The following COL4A1 variants were observed in gnomAD, a reference collection of about 807,000 sequenced individuals.
The protein encoded by COL4A1 is collagen type IV alpha 1 chain, also known as collagen alpha-1(IV) chain.
Under a neutral mutation model 216.6 loss-of-function variants are expected in COL4A1, and 40 were observed. The ratio of observed to expected loss-of-function variants is 0.18; its 90% CI spans 0.14 to 0.24. The LOEUF is 0.24. Ranked by LOEUF, COL4A1 falls within the 10% of genes least tolerant of loss-of-function variation. The pLI is 1.00. For synonymous variants in COL4A1, 839 were observed against 810.7 expected, an observed-to-expected ratio of 1.03 and a Z score of -0.59; for missense variants, 1,628 against 2,196.8, an observed-to-expected ratio of 0.74 and a Z score of 5.18.
chr13:110,281,811 T>G (rs1328102290), intron 1 of COL4A1, among the ~76,000 whole-genome samples: 1 of 152,244 alleles, frequency 6.6e-6, no homozygotes, highest in South Asian at 2.1e-4. Flanking sequence ...TTAGTAAACT[T>G]ACTCAACCCA....
At chr13:110,228,338 A>T (rs1880846799) in intron 2 of COL4A1, among the ~76,000 whole-genome samples, 1 of 152,040 alleles carries the variant, frequency 6.6e-6, no homozygotes, top group African/African-American at 2.4e-5. Flanking sequence ...TTAAAAATCC[A>T]ATTTTGAAGG....
intron 1 of COL4A1, among the ~76,000 whole-genome samples, chr13:110,290,275 G>A (rs919977857): frequency 3.3e-5 from 5 of 152,190 alleles, no homozygotes; most frequent in Admixed American, 2.6e-4. Context: ...GCTAACAAGC[G>A]CTCGGCAGGC....
intron 17 of COL4A1, 80 bp downstream of exon 17, chr13:110,205,273 T>C: frequency 6.4e-7 from 1 of 1,562,038 alleles, no homozygotes; most frequent in Non-Finnish European, 8.8e-7. Flanking sequence ...ACAGAGTCCT[T>C]TATTCTAGGA....
chr13:110,173,946 T>A lies in COL4A1; in HGVS notation c.3459A>T (p.Pro1153=). ...PTGPAGQKGE[P]GSDGIPGSAG... ...CTGACCCCGGGATTCCATCACTGCC[T>A]GGCTCCCCTTTCTGGCCAGCTGGGC... Residue 1153 remains proline, a synonymous_variant, in exon 40 of 52, where the codon CCA becomes CCT. Transcript: ENST00000375820. The A allele has an allele frequency of 6.2e-7, 1 of 1,614,220 alleles. No individual in the cohort carries two copies. Among genetic ancestry groups the A allele is most frequent in the South Asian group, 1.1e-5 (1 of 91,088 alleles).
intron 49 of COL4A1, among the ~76,000 whole-genome samples, chr13:110,159,505 A>G (rs1876967676): frequency 1.3e-5 from 2 of 152,170 alleles, no homozygotes; most frequent in Admixed American, 1.3e-4. Context: ...CTGTGGCAGG[A>G]ATGTAAAGGG....
At chr13:110,247,438 G>T (rs61963307) in intron 1 of COL4A1, among the ~76,000 whole-genome samples, 19,073 of 152,124 alleles carry the variant, frequency 0.13, 1,443 homozygotes, top group Non-Finnish European at 0.18. Flanking sequence ...AACTTTTCAG[G>T]ATATGTTAAA....
At chr13:110,172,900 C>T (rs2139158506) in intron 40 of COL4A1, 130 bp from the exon 41 acceptor site, 2 of 771,694 alleles carry the variant, frequency 2.6e-6, no homozygotes, top group Non-Finnish European at 4.7e-6. Context: ...TAGTTAATTG[C>T]ACCCTTGTAA....
chr13:110,263,363 A>C (rs986158144), intron 1 of COL4A1, among the ~76,000 whole-genome samples: 4 of 152,268 alleles, frequency 2.6e-5, no homozygotes, highest in Non-Finnish European at 5.9e-5. Context: ...AGCACAAAAC[A>C]GATTACTAAG....
At chr13:110,168,313 C>T (rs1260672260) in intron 43 of COL4A1, among the ~76,000 whole-genome samples, 1 of 152,152 alleles carries the variant, frequency 6.6e-6, no homozygotes, top group East Asian at 1.9e-4. Flanking sequence ...CCAGGCCCAG[C>T]CGGGAATGGG....
chr13:110,247,702 C>G (rs7338566), intron 1 of COL4A1, among the ~76,000 whole-genome samples: 49,901 of 151,338 alleles, frequency 0.33, 8,695 homozygotes, highest in Non-Finnish European at 0.39. Flanking sequence ...AATTCCATTC[C>G]AGAGGATGCA....
At chr13:110,256,373 G>A (rs1024630344) in intron 1 of COL4A1, among the ~76,000 whole-genome samples, 7 of 152,290 alleles carry the variant, frequency 4.6e-5, no homozygotes, top group Admixed American at 1.3e-4. Flanking sequence ...GATGATACTC[G>A]GGAGGAAGAG....
intron 14 of COL4A1, 28 bp from the exon 15 acceptor site, chr13:110,206,743 T>G (rs1879536062): frequency 1.9e-6 from 3 of 1,613,394 alleles, no homozygotes; most frequent in Non-Finnish European, 2.5e-6. Context: ...ACAAAGAGAT[T>G]TATTCGTCTA....
At chr13:110,169,496 T>G (rs965695240) in intron 43 of COL4A1, 133 bp downstream of exon 43, 95 of 1,109,546 alleles carry the variant, frequency 8.6e-5, no homozygotes, top group Non-Finnish European at 1.0e-4. Context: ...TGTGGGAGTG[T>G]AACACACACA....
At chr13:110,287,294 C>G (rs1257530168) in intron 1 of COL4A1, among the ~76,000 whole-genome samples, 1 of 152,208 alleles carries the variant, frequency 6.6e-6, no homozygotes, top group African/African-American at 2.4e-5. Context: ...AGCCAGACAG[C>G]CTGCCGTCCC....
intron 1 of COL4A1, among the ~76,000 whole-genome samples, chr13:110,259,271 C>A (rs934436414): frequency 1.3e-5 from 2 of 152,140 alleles, no homozygotes; most frequent in Non-Finnish European, 2.9e-5. Flanking sequence ...AGCTCATTGA[C>A]CCTAATTAGG....
chr13:110,294,204 G>A (rs983223071), intron 1 of COL4A1, among the ~76,000 whole-genome samples: 1 of 152,198 alleles, frequency 6.6e-6, no homozygotes, highest in African/African-American at 2.4e-5. Context: ...TGTGGAACTA[G>A]AGGTCTGAGG....
At chr13:110,301,387 C>G (rs948886833) in intron 1 of COL4A1, among the ~76,000 whole-genome samples, 2 of 152,180 alleles carry the variant, frequency 1.3e-5, no homozygotes. Flanking sequence ...GTGTTGGAAC[C>G]AAGACACAAA....
Position 110,150,154 on chromosome 13 carries a change from A to C in COL4A1, c.*209T>G. 1 of 620,820 alleles carries C rather than the reference A, an allele frequency of 1.6e-6. No individual in the cohort carries two copies. Among genetic ancestry groups the C allele is most frequent in the South Asian group, 1.8e-5 (1 of 55,248 alleles). The allele number at this position is 620,820 out of a possible 1,614,324, so 38.5% of individuals were successfully genotyped here. A position where few individuals can be genotyped will look rare whatever the true frequency, so the allele number is the denominator to read the frequency against. ...CATCAAAAGTGCCATTTGGTATGCC[A>C]CTATTGAAAGCTTATCGCTGTCTTT... On this transcript the variant is annotated 3_prime_UTR_variant, in exon 52 of 52. Coordinates refer to ENST00000375820, the MANE Select transcript of COL4A1 (RefSeq NM_001845.6).
intron 1 of COL4A1, among the ~76,000 whole-genome samples, chr13:110,295,197 A>G (rs1348076398): frequency 6.6e-6 from 1 of 151,812 alleles, no homozygotes; most frequent in African/African-American, 2.4e-5. Flanking sequence ...AAACATCCTC[A>G]ATCTGCCAGC....
Sources: allele counts gnomAD v4.1 joint callset (sites outside exome capture counted in the v4.1 genomes callset), GRCh38; gene constraint gnomAD v4.1.1; transcripts MANE v1.5; gene names NCBI Gene and HGNC (gene_info 2026-07-23, HGNC 2026-07-21).